Variants in ARSB observed in about 807,000 individuals in gnomAD.
The protein encoded by ARSB is arylsulfatase B, also known as N-acetylgalactosamine-4-sulfatase.
In ARSB, 41 loss-of-function variants were observed where a neutral mutation model predicts 50.9. The ratio of observed to expected loss-of-function variants is 0.81; its 90% CI spans 0.63 to 1.04. The LOEUF (loss-of-function observed/expected upper bound fraction) is 1.04, where lower values mean the gene tolerates loss of function less well. ARSB is among the 50% of genes least tolerant of loss of function. The pLI, the probability that ARSB is intolerant of heterozygous loss-of-function variation, is 0.00. For synonymous variants in ARSB, 269 were observed against 284.8 expected, an observed-to-expected ratio of 0.94 and a Z score of 0.56; for missense variants, 672 against 693.3, an observed-to-expected ratio of 0.97 and a Z score of 0.35.
At chr5:78,880,239 C>A (rs1747686984) in intron 5 of ARSB, among the ~76,000 whole-genome samples, 1 of 152,196 alleles carries the variant, frequency 6.6e-6, no homozygotes, top group Non-Finnish European at 1.5e-5. Context: ...AAGGTTACTT[C>A]TGATCAACAT....
In ARSB at chr5:78,780,330, CAA is replaced by C. The variant is rs1748887411; in HGVS notation, c.*65_*66del. On this transcript the variant is annotated 3_prime_UTR_variant, in exon 8 of 8. Transcript: ENST00000264914. ...ACCCAGGTTGGGATAACAAATGAGA[CAA>C]GAGTCGTGAGAAAAGGCCTGAGGTC... 4 of 1,607,584 alleles carry C rather than the reference CAA, an allele frequency of 2.5e-6. No individual in the cohort carries two copies. The South Asian group carries it at 3.3e-5, about 13-fold the overall frequency.
chr5:78,978,606 C>T (rs566418050), intron 1 of ARSB, among the ~76,000 whole-genome samples: 1 of 152,140 alleles, frequency 6.6e-6, no homozygotes, highest in East Asian at 1.9e-4. Flanking sequence ...ATTCTGAAAC[C>T]TTTGTAATAC....
intron 5 of ARSB, among the ~76,000 whole-genome samples, chr5:78,841,639 C>T (rs1008329847): frequency 3.3e-5 from 5 of 152,066 alleles, no homozygotes; most frequent in African/African-American, 1.2e-4. Flanking sequence ...ATATTAGGCA[C>T]AATTAAATAA....
At chr5:78,940,893 A>G (rs1487366351) in intron 4 of ARSB, among the ~76,000 whole-genome samples, 5 of 152,130 alleles carry the variant, frequency 3.3e-5, no homozygotes, top group African/African-American at 1.2e-4. Context: ...CATTTTCACA[A>G]TATTGATTCT....
intron 6 of ARSB, among the ~76,000 whole-genome samples, chr5:78,796,671 T>A (rs917376067): frequency 6.6e-6 from 1 of 152,122 alleles, no homozygotes; most frequent in Non-Finnish European, 1.5e-5. Flanking sequence ...ATTCTTTTTT[T>A]TTTGACGGAG....
chr5:78,807,732 C>A (rs963330276), intron 6 of ARSB, among the ~76,000 whole-genome samples: 2 of 152,144 alleles, frequency 1.3e-5, no homozygotes, highest in African/African-American at 2.4e-5. Context: ...GGAAAAGGGA[C>A]AATAAAGCAA....
Position 78,980,734 on chromosome 5 carries a change from A to ATGTGTGTGTGTG in ARSB, c.312+4191_312+4202dup, listed in dbSNP as rs1554089416. On this transcript the variant is annotated intron_variant, in intron 1 of 7. Coordinates refer to ENST00000264914, the MANE Select transcript of ARSB (RefSeq NM_000046.5). ...ACTGAATGTCTAAGGAAGTGTGTGT[A>ATGTGTGTGTGTG]TGTGTGTGTGTGTGTGTGTGTTTTG... 6.0e-5 allele frequency among the ~76,000 whole-genome samples: 9 copies of ATGTGTGTGTGTG among 150,900 alleles called. No individual in the cohort carries two copies. In the East Asian group the frequency reaches 7.8e-4, roughly 13 times the overall value.
At chr5:78,947,679 T>A (rs1751306398) in intron 4 of ARSB, among the ~76,000 whole-genome samples, 1 of 152,212 alleles carries the variant, frequency 6.6e-6, no homozygotes, top group Non-Finnish European at 1.5e-5. Flanking sequence ...TGTACAATGT[T>A]GGTGGGAATG....
intron 1 of ARSB, among the ~76,000 whole-genome samples, chr5:78,971,732 C>T (rs1580148125): frequency 6.6e-6 from 1 of 152,142 alleles, no homozygotes; most frequent in Non-Finnish European, 1.5e-5. Context: ...CTAAAAGAAC[C>T]ACATGGAATA....
intron 6 of ARSB, among the ~76,000 whole-genome samples, chr5:78,787,118 C>A (rs936296679): frequency 1.3e-5 from 2 of 151,594 alleles, no homozygotes; most frequent in African/African-American, 4.9e-5. Context: ...ATCTATCTAT[C>A]TATCTATCTA....
chr5:78,978,402 A>G (rs79504596), intron 1 of ARSB, among the ~76,000 whole-genome samples: 2,214 of 152,054 alleles, frequency 0.015, 58 homozygotes, highest in African/African-American at 0.051. Flanking sequence ...TGGAAGAGTT[A>G]TATTGTTGAG....
At chr5:78,860,062 A>G (rs1430708205) in intron 5 of ARSB, among the ~76,000 whole-genome samples, 5 of 152,236 alleles carry the variant, frequency 3.3e-5, no homozygotes, top group Admixed American at 6.5e-5. Context: ...CAATTTTGGA[A>G]TAAGTGCAAC....
intron 5 of ARSB, among the ~76,000 whole-genome samples, chr5:78,874,061 G>A (rs1247083003): frequency 2.0e-5 from 3 of 152,218 alleles, no homozygotes. Flanking sequence ...AACAAGCAAA[G>A]ATTAGGGTAA....
chr5:78,818,433 T>C (rs969079857), intron 6 of ARSB, among the ~76,000 whole-genome samples: 2 of 152,140 alleles, frequency 1.3e-5, no homozygotes, highest in African/African-American at 4.8e-5. Flanking sequence ...CTGAGATACA[T>C]ATCTGAGATA....
At chr5:78,919,625 T>C (rs539882979) in intron 4 of ARSB, among the ~76,000 whole-genome samples, 1 of 152,260 alleles carries the variant, frequency 6.6e-6, no homozygotes, top group South Asian at 2.1e-4. Context: ...CCTGAGTAGC[T>C]GGGATTACAG....
chr5:78,985,202 C>A lies in ARSB; in HGVS notation c.47G>T (p.Arg16Leu). 7.2e-7 allele frequency: 1 copy of A among 1,386,494 alleles called. No individual in the cohort carries two copies. Among genetic ancestry groups the A allele is most frequent in the Non-Finnish European group, 9.3e-7 (1 of 1,072,760 alleles). 85.9% of individuals were successfully genotyped at this position (1,386,494 alleles called of 1,614,324 possible). ...GAGGACGACGGGGAGGAGCAGCCGC[C>A]GAGGTCCGGGGCCTCGGGGCAAGCT... ...AASLPRGPGP[R>L]RLLLPVVLPL... is the part of the protein sequence containing the mutation. Residue 16 changes from arginine (R) to leucine (L), a missense_variant, in exon 1 of 8, where the codon CGG becomes CTG. Transcript: ENST00000264914.
At chr5:78,950,745 C>A (rs936732181) in intron 4 of ARSB, among the ~76,000 whole-genome samples, 4 of 152,104 alleles carry the variant, frequency 2.6e-5, no homozygotes, top group African/African-American at 9.7e-5. Flanking sequence ...CCTCAAGCTG[C>A]AGATTTGAGA....
chr5:78,937,685 A>T (rs1397221742), intron 4 of ARSB, among the ~76,000 whole-genome samples: 1 of 151,748 alleles, frequency 6.6e-6, no homozygotes, highest in Non-Finnish European at 1.5e-5. Flanking sequence ...GGGATTATGA[A>T]TTCAATGGTT....
chr5:78,985,380 C>A, upstream of ARSB: 1 of 900,474 alleles, frequency 1.1e-6, no homozygotes, highest in Non-Finnish European at 1.4e-6. Flanking sequence ...CGTGGGCTTG[C>A]GAGGCCGGGC....
Sources: gnomAD v4.1 joint callset for allele counts (sites outside exome capture counted in the v4.1 genomes callset) on GRCh38, gnomAD v4.1.1 for gene constraint, MANE v1.5 for transcripts, NCBI Gene and HGNC (gene_info 2026-07-23, HGNC 2026-07-21) for gene names.